SIPA1L1: variants seen among roughly 807,000 people sequenced by gnomAD.
SIPA1L1 encodes signal-induced proliferation-associated 1-like protein 1.
SIPA1L1 carries 26 observed loss-of-function variants against 162.7 expected under a neutral mutation model. The ratio of observed to expected loss-of-function variants is 0.16; its 90% CI spans 0.12 to 0.22. SIPA1L1 has a LOEUF of 0.22. Among genes scored for constraint, SIPA1L1 ranks in the 10% least tolerant of loss-of-function variants. The pLI is 1.00. For missense variants in SIPA1L1, 1,874 were observed against 2,241.0 expected (o/e 0.84, Z 3.31); for synonymous variants, 829 against 837.4 (o/e 0.99, Z 0.17).
At chr14:71,635,989 A>G (rs968121729) in intron 7 of SIPA1L1, among the ~76,000 whole-genome samples, 5 of 152,224 alleles carry the variant, frequency 3.3e-5, no homozygotes, top group African/African-American at 1.2e-4. Flanking sequence ...CATAATGATG[A>G]AGAGGTCAAT....
At chr14:71,714,207 G>C (rs897639344) in intron 17 of SIPA1L1, among the ~76,000 whole-genome samples, 1 of 152,132 alleles carries the variant, frequency 6.6e-6, no homozygotes, top group South Asian at 2.1e-4. Flanking sequence ...TCCAGCTTTT[G>C]GGGGTGGTTA....
At chr14:71,633,236 C>A (rs1596530497) in intron 7 of SIPA1L1, among the ~76,000 whole-genome samples, 1 of 152,316 alleles carries the variant, frequency 6.6e-6, no homozygotes, top group African/African-American at 2.4e-5. Flanking sequence ...TTTCGGCTCA[C>A]TGCAACCTCC....
At chr14:71,394,148 A>G (rs2141398925) in intron 2 of SIPA1L1, among the ~76,000 whole-genome samples, 1 of 152,300 alleles carries the variant, frequency 6.6e-6, no homozygotes, top group East Asian at 1.9e-4. Flanking sequence ...TTTCTTCTTT[A>G]TCCCCTGCCA....
At chr14:71,380,394 C>T (rs2039791974) in intron 2 of SIPA1L1, among the ~76,000 whole-genome samples, 1 of 152,132 alleles carries the variant, frequency 6.6e-6, no homozygotes, top group African/African-American at 2.4e-5. Context: ...AGACAGCTGC[C>T]CAAATATGGT....
intron 4 of SIPA1L1, among the ~76,000 whole-genome samples, chr14:71,536,723 C>T (rs752723084): frequency 6.6e-6 from 1 of 152,160 alleles, no homozygotes; most frequent in Non-Finnish European, 1.5e-5. Context: ...GTTGCAGTCC[C>T]TTCCATTGAG....
At chr14:71,426,248 G>C (rs1251718259) in intron 2 of SIPA1L1, among the ~76,000 whole-genome samples, 2 of 152,048 alleles carry the variant, frequency 1.3e-5, no homozygotes, top group Non-Finnish European at 2.9e-5. Flanking sequence ...TTAAAGTAAT[G>C]ACTGATAAGG....
intron 22 of SIPA1L1, 45 bp downstream of exon 22, chr14:71,735,436 C>A (rs1324958360): frequency 7.9e-7 from 1 of 1,269,110 alleles, no homozygotes; most frequent in Non-Finnish European, 1.2e-6. Flanking sequence ...TGTGTCACAT[C>A]TGCCACTGAC....
At position 71,613,678 on chromosome 14, in the gene SIPA1L1, C is replaced by G. The variant is rs560992068; in HGVS notation, c.1499-5079C>G. On this transcript the variant is annotated intron_variant, in intron 5 of 23. Coordinates refer to ENST00000381232, the MANE Select transcript of SIPA1L1 (RefSeq NM_001386936.1). ...ATCTGTAACTCCCTCATCCTTACTC[C>G]CCTTCCCTGCTAAACTTTTCACTTC... 7.9e-5 allele frequency among the ~76,000 whole-genome samples: 12 copies of G among 152,280 alleles called. 2 individuals carry two copies. The South Asian group carries it at 2.3e-3, about 29-fold the overall frequency.
intron 16 of SIPA1L1, among the ~76,000 whole-genome samples, chr14:71,707,123 A>G (rs1663421426): frequency 1.3e-5 from 2 of 151,290 alleles, no homozygotes; most frequent in Non-Finnish European, 2.9e-5. Flanking sequence ...ACCAAAAGAC[A>G]CACACACGCA....
At chr14:71,431,498 G>A (rs970176769) in intron 2 of SIPA1L1, among the ~76,000 whole-genome samples, 1 of 151,858 alleles carries the variant, frequency 6.6e-6, no homozygotes, top group Non-Finnish European at 1.5e-5. Flanking sequence ...TTCGAGACCA[G>A]CCTGGGCAAC....
intron 2 of SIPA1L1, among the ~76,000 whole-genome samples, chr14:71,366,497 C>T (rs907463379): frequency 6.6e-6 from 1 of 152,094 alleles, no homozygotes; most frequent in African/African-American, 2.4e-5. Context: ...AGTGCAGTGG[C>T]GTGATCTCTC....
At chr14:71,512,635 A>AATGCCATC (rs2051271440) in intron 2 of SIPA1L1, 108 bp from the exon 3 acceptor site, 1 of 119,418 alleles carries the variant, frequency 8.4e-6, no homozygotes, top group Admixed American at 1.1e-4. Context: ...ATGGCCCTGC[A>AATGCCATC]ATGCCATCTT....
intron 2 of SIPA1L1, among the ~76,000 whole-genome samples, chr14:71,367,442 G>GACT (rs1202825889): frequency 6.6e-6 from 1 of 151,624 alleles, no homozygotes; most frequent in Non-Finnish European, 1.5e-5. Flanking sequence ...TAGTAGCTGG[G>GACT]ACTACAGGCG....
At position 71,497,631 on chromosome 14, in the gene SIPA1L1, C is replaced by T. The variant is rs1390532210; in HGVS notation, c.-464-15112C>T. ...ACAGTATATAATCTTCCAAGACTAG[C>T]TGCTTTCACTAAGCTTGCCTTTGAG... On this transcript the variant is annotated intron_variant, in intron 2 of 23. Transcript: ENST00000381232. Among the ~76,000 whole-genome samples, 3 of 152,174 alleles carry T rather than the reference C, an allele frequency of 2.0e-5. 1 individual carries two copies. Among genetic ancestry groups the T allele is most frequent in the Admixed American group, 1.3e-4 (2 of 15,274 alleles).
chr14:71,529,476 A>T (rs567868354), intron 4 of SIPA1L1, 106 bp downstream of exon 4: 7 of 528,376 alleles, frequency 1.3e-5, no homozygotes, highest in South Asian at 5.8e-5. Context: ...ACAAAATTTT[A>T]AAAAATCTAC....
intron 2 of SIPA1L1, among the ~76,000 whole-genome samples, chr14:71,476,428 A>G (rs988893706): frequency 6.6e-6 from 1 of 152,160 alleles, no homozygotes; most frequent in African/African-American, 2.4e-5. Flanking sequence ...TTGGAAAGAA[A>G]TGGTTTTGTG....
At chr14:71,366,068 G>A (rs1424555331) in intron 2 of SIPA1L1, among the ~76,000 whole-genome samples, 1 of 151,884 alleles carries the variant, frequency 6.6e-6, no homozygotes, top group East Asian at 1.9e-4. Context: ...AATAACCTGG[G>A]GAGCTTTTAA....
At chr14:71,505,339 C>T (rs1024263158) in intron 2 of SIPA1L1, among the ~76,000 whole-genome samples, 16 of 151,882 alleles carry the variant, frequency 1.1e-4, no homozygotes, top group African/African-American at 3.9e-4. Flanking sequence ...GTTTCTAAAG[C>T]TGGTGACCTC....
chr14:71,520,973 C>G (rs940040456), intron 3 of SIPA1L1, among the ~76,000 whole-genome samples: 7 of 152,058 alleles, frequency 4.6e-5, no homozygotes, highest in African/African-American at 1.7e-4. Context: ...AGTCTGGTCT[C>G]GAACTCCTGG....
Sources: allele counts gnomAD v4.1 joint callset (sites outside exome capture counted in the v4.1 genomes callset), GRCh38; gene constraint gnomAD v4.1.1; transcripts MANE v1.5; gene names NCBI Gene and HGNC (gene_info 2026-07-23, HGNC 2026-07-21).